Variants in ROBO1 observed in about 807,000 individuals in gnomAD.
The protein encoded by ROBO1 is roundabout guidance receptor 1.
A neutral mutation model predicts 195.9 loss-of-function variants in ROBO1; 149 were observed. The observed-to-expected ratio is 0.76, with a 90% CI of 0.67 to 0.87. ROBO1 has a LOEUF of 0.87. ROBO1 is among the 40% of genes least tolerant of loss of function. The probability of loss-of-function intolerance (pLI) is 0.00; values close to 1 mark genes in which losing one functional copy is unlikely to be tolerated. For missense variants in ROBO1, 1,933 were observed against 2,068.3 expected, an observed-to-expected ratio of 0.93 and a Z score of 1.27; for synonymous variants, 816 against 733.2, an observed-to-expected ratio of 1.11 and a Z score of -1.82.
At chr3:78,645,387 T>C in intron 21 of ROBO1, among the ~76,000 whole-genome samples, 1 of 151,634 alleles carries the variant, frequency 6.6e-6, no homozygotes, top group South Asian at 2.1e-4. Context: ...ATTTGAATTA[T>C]AAGATGGTTT....
At chr3:79,469,522 T>C (rs1938151865) in intron 2 of ROBO1, among the ~76,000 whole-genome samples, 1 of 152,182 alleles carries the variant, frequency 6.6e-6, no homozygotes, top group Admixed American at 6.5e-5. Flanking sequence ...ACAACATTCA[T>C]GTATATTATG....
At chr3:78,711,350 C>CCTTTCTTTTCTTT (rs1302958232) in intron 8 of ROBO1, among the ~76,000 whole-genome samples, 1 of 46,858 alleles carries the variant, frequency 2.1e-5, no homozygotes, top group African/African-American at 1.5e-4. Context: ...CTTCCTTCCT[C>CCTTTCTTTTCTTT]CTTCCTTCCT....
chr3:79,004,088 C>A (rs1159095064), intron 3 of ROBO1, among the ~76,000 whole-genome samples: 1 of 152,146 alleles, frequency 6.6e-6, no homozygotes, highest in African/African-American at 2.4e-5. Context: ...TCCTTAGCAA[C>A]CTATTTTGTG....
At chr3:79,662,593 T>C (rs1946361341) in intron 1 of ROBO1, among the ~76,000 whole-genome samples, 1 of 152,076 alleles carries the variant, frequency 6.6e-6, no homozygotes, top group Non-Finnish European at 1.5e-5. Flanking sequence ...GGAGGCTTCA[T>C]CCAGGTATAG....
chr3:78,762,426 T>C (rs1445708606), intron 4 of ROBO1, among the ~76,000 whole-genome samples: 1 of 152,116 alleles, frequency 6.6e-6, no homozygotes, highest in African/African-American at 2.4e-5. Flanking sequence ...ATTTCATTTA[T>C]ATTTCCAGTT....
At chr3:78,970,320 C>G (rs1391723738) in intron 3 of ROBO1, among the ~76,000 whole-genome samples, 2 of 152,076 alleles carry the variant, frequency 1.3e-5, no homozygotes, top group Non-Finnish European at 2.9e-5. Context: ...ATAACGATGT[C>G]TCCTTTCTGT....
intron 4 of ROBO1, among the ~76,000 whole-genome samples, chr3:78,839,482 G>A (rs1184856295): frequency 2.0e-5 from 3 of 147,936 alleles, no homozygotes; most frequent in South Asian, 2.2e-4. Context: ...TTACTATGAT[G>A]CTCCATTGAT....
At chr3:78,981,153 A>G (rs2076982354) in intron 3 of ROBO1, among the ~76,000 whole-genome samples, 1 of 152,206 alleles carries the variant, frequency 6.6e-6, no homozygotes, top group African/African-American at 2.4e-5. Context: ...TTGGGCATTG[A>G]GTATGCATAC....
chr3:79,468,600 C>A (rs1938098195), intron 2 of ROBO1, among the ~76,000 whole-genome samples: 1 of 152,084 alleles, frequency 6.6e-6, no homozygotes, highest in Non-Finnish European at 1.5e-5. Flanking sequence ...TTTGAACAAA[C>A]AATGGAAAGA....
At chr3:79,392,970 C>G (rs2037011068) in intron 2 of ROBO1, among the ~76,000 whole-genome samples, 2 of 152,142 alleles carry the variant, frequency 1.3e-5, no homozygotes, top group South Asian at 4.1e-4. Flanking sequence ...GGAAAAGTCT[C>G]TTCCTTTCCC....
chr3:79,175,283 A>G (rs1017077870), intron 2 of ROBO1, among the ~76,000 whole-genome samples: 3 of 152,102 alleles, frequency 2.0e-5, no homozygotes, highest in Non-Finnish European at 4.4e-5. Flanking sequence ...GTTAGCACCT[A>G]TTTGCAGTAA....
chr3:79,749,219 A>G (rs931421730), intron 1 of ROBO1, among the ~76,000 whole-genome samples: 1 of 152,082 alleles, frequency 6.6e-6, no homozygotes, highest in Admixed American at 6.6e-5. Flanking sequence ...CCTGCCCTAG[A>G]GACTGTGGAA....
At chr3:78,694,760 G>A (rs1483197433) in intron 8 of ROBO1, among the ~76,000 whole-genome samples, 1 of 152,076 alleles carries the variant, frequency 6.6e-6, no homozygotes, top group Non-Finnish European at 1.5e-5. Context: ...ACAAAAGAGA[G>A]GACCTGACAA....
intron 14 of ROBO1, among the ~76,000 whole-genome samples, chr3:78,665,852 T>C (rs963203637): frequency 6.6e-6 from 1 of 152,138 alleles, no homozygotes; most frequent in Non-Finnish European, 1.5e-5. Context: ...TTCACAACTG[T>C]ATGCCTGTTT....
chr3:79,098,829 A>C (rs892599196), intron 3 of ROBO1, among the ~76,000 whole-genome samples: 1 of 151,662 alleles, frequency 6.6e-6, no homozygotes, highest in Non-Finnish European at 1.5e-5. Context: ...ATACTTTTTC[A>C]TATTGTCACT....
At position 79,766,393 on chromosome 3, in the gene ROBO1, C is replaced by T. The variant is rs116532793; in HGVS notation, c.-51+1359G>A. ...TATTTGAGTAGTGGGAGCTCCGACTCGAGGCAGGAGTGGGATGTCTTAGCA... is the reference window on the plus strand; with the variant it reads ...TATTTGAGTAGTGGGAGCTCCGACTTGAGGCAGGAGTGGGATGTCTTAGCA... On this transcript the variant is annotated intron_variant, in intron 1 of 30. Transcript: ENST00000464233. 7.4e-3 allele frequency among the ~76,000 whole-genome samples: 1,124 copies of T among 151,792 alleles called. 9 individuals carry two copies. Among genetic ancestry groups the T allele is most frequent in the African/African-American group, 0.023 (943 of 41,420 alleles).
chr3:79,736,246 T>C (rs925481587), intron 1 of ROBO1, among the ~76,000 whole-genome samples: 8 of 152,120 alleles, frequency 5.3e-5, no homozygotes, highest in Non-Finnish European at 1.0e-4. Flanking sequence ...ATCCAAAGGA[T>C]AGAGAGCAGG....
chr3:79,258,612 C>A (rs1051393980), intron 2 of ROBO1, among the ~76,000 whole-genome samples: 3 of 152,070 alleles, frequency 2.0e-5, no homozygotes, highest in Non-Finnish European at 2.9e-5. Flanking sequence ...AAGAAACAGG[C>A]CTTCAGTGTG....
chr3:79,162,324 A>C (rs1314322343), intron 2 of ROBO1, among the ~76,000 whole-genome samples: 1 of 152,122 alleles, frequency 6.6e-6, no homozygotes, highest in African/African-American at 2.4e-5. Context: ...ATAGGAGGAA[A>C]GAAGGGATAG....
Sources: gnomAD v4.1 joint callset for allele counts (sites outside exome capture counted in the v4.1 genomes callset) on GRCh38, gnomAD v4.1.1 for gene constraint, MANE v1.5 for transcripts, NCBI Gene and HGNC (gene_info 2026-07-23, HGNC 2026-07-21) for gene names.